The following TRPM3 variants were observed in gnomAD, a reference collection of about 807,000 sequenced individuals.
The protein encoded by TRPM3 is transient receptor potential cation channel subfamily M member 3.
A neutral mutation model predicts 181.2 loss-of-function variants in TRPM3; 77 were observed. The ratio of observed to expected loss-of-function variants is 0.42; its 90% CI spans 0.35 to 0.51. The LOEUF is 0.51. Among genes scored for constraint, TRPM3 ranks in the 20% least tolerant of loss-of-function variants. The pLI is 0.01. For missense variants in TRPM3, 1,759 were observed against 2,196.7 expected (o/e 0.80, Z 3.98); for synonymous variants, 745 against 796.4 (o/e 0.94, Z 1.09).
At position 71,289,875 on chromosome 9, in the gene TRPM3, C is replaced by CAAAA. The variant is rs71352367; in HGVS notation, c.183+156774_183+156777dup. Among the ~76,000 whole-genome samples the CAAAA allele has an allele frequency of 9.0e-4, 36 of 39,788 alleles. 4 individuals are homozygous for CAAAA. The highest frequency in any genetic ancestry group is 2.1e-3 in the Admixed American group (5 of 2,384). The allele number at this position is 39,788 out of a possible 152,430, so 26.1% of individuals were successfully genotyped here. A position where few individuals can be genotyped will look rare whatever the true frequency, so the allele number is the denominator to read the frequency against. On this transcript the variant is annotated intron_variant, in intron 1 of 24. Transcript: ENST00000357533. ...TGGGTGACAGAGCAAGACTCTGTCT[C>CAAAA]AAAAAAAAAAAAAAAAAAAAAAAAA...
chr9:71,378,852 A>C (rs1045812395), intron 1 of TRPM3, among the ~76,000 whole-genome samples: 1 of 152,042 alleles, frequency 6.6e-6, no homozygotes, highest in Non-Finnish European at 1.5e-5. Flanking sequence ...ACAGCATTAT[A>C]TATTATTGAA....
intron 1 of TRPM3, among the ~76,000 whole-genome samples, chr9:71,226,009 T>TA: frequency 0.21 from 7,398 of 34,688 alleles, 1,627 homozygotes; most frequent in Non-Finnish European, 0.25. Flanking sequence ...CAACAAAAGG[T>TA]AAAAAAAAAA....
chr9:71,217,116 A>C, intron 1 of TRPM3, among the ~76,000 whole-genome samples: 1 of 150,632 alleles, frequency 6.6e-6, no homozygotes, highest in Non-Finnish European at 1.5e-5. Context: ...ACGCCCGGCT[A>C]ATTTTTTGTA....
intron 3 of TRPM3, among the ~76,000 whole-genome samples, chr9:70,855,312 A>C (rs1461146241): frequency 6.6e-6 from 1 of 152,210 alleles, no homozygotes; most frequent in African/African-American, 2.4e-5. Context: ...ATTAAGAAAA[A>C]ATAATAATAA....
chr9:71,172,873 T>A (rs146237961), intron 1 of TRPM3, among the ~76,000 whole-genome samples: 170 of 152,272 alleles, frequency 1.1e-3, no homozygotes, highest in Middle Eastern at 6.8e-3. Flanking sequence ...ACATCACACA[T>A]TGAAAACTGT....
chr9:70,820,043 T>C (rs2093034127), intron 6 of TRPM3, among the ~76,000 whole-genome samples: 1 of 152,182 alleles, frequency 6.6e-6, no homozygotes, highest in South Asian at 2.1e-4. Flanking sequence ...CTCAAGTTCC[T>C]ACACCTCCAA....
intron 20 of TRPM3, among the ~76,000 whole-genome samples, chr9:70,599,697 T>A (rs2059557931): frequency 6.6e-6 from 1 of 152,234 alleles, no homozygotes; most frequent in African/African-American, 2.4e-5. Flanking sequence ...AAATGTCCCC[T>A]TTTTAGGAAG....
intron 1 of TRPM3, among the ~76,000 whole-genome samples, chr9:71,271,266 CTTG>C (rs1395855497): frequency 2.6e-5 from 4 of 152,028 alleles, no homozygotes; most frequent in African/African-American, 9.7e-5. Context: ...AGCTTGTTAT[CTTG>C]TTAATTTATC....
At position 70,543,756 on chromosome 9, in the gene TRPM3, G is replaced by A. The variant is rs115843170; in HGVS notation, c.3707+5786C>T. On this transcript the variant is annotated intron_variant, in intron 25 of 25. Coordinates refer to ENST00000677713, the MANE Select transcript of TRPM3 (RefSeq NM_001366145.2). Reference sequence around the variant, plus strand: ...GGAATACTGCTAAATCCTTGCATTTGCTTAAATGTTGCCATCAAGGAGAAA... The same window carrying A: ...GGAATACTGCTAAATCCTTGCATTTACTTAAATGTTGCCATCAAGGAGAAA... Among the ~76,000 whole-genome samples the A allele has an allele frequency of 5.4e-3, 816 of 152,268 alleles. 7 individuals are homozygous for A. Among genetic ancestry groups the A allele is most frequent in the African/African-American group, 0.019 (771 of 41,548 alleles).
intron 8 of TRPM3, among the ~76,000 whole-genome samples, chr9:70,747,545 C>T (rs1473934723): frequency 1.3e-5 from 2 of 152,106 alleles, no homozygotes; most frequent in Non-Finnish European, 2.9e-5. Context: ...TCAACAAGGG[C>T]TATCAGGCAT....
chr9:71,258,189 T>C (rs1280143743), intron 1 of TRPM3, among the ~76,000 whole-genome samples: 1 of 152,202 alleles, frequency 6.6e-6, no homozygotes, highest in African/African-American at 2.4e-5. Flanking sequence ...TTGCACACAT[T>C]GGCCCATTTA....
At position 71,162,199 on chromosome 9, in the gene TRPM3, CAAA is replaced by C. The variant is rs35947110; in HGVS notation, c.183+284451_183+284453del. 2.3e-3 allele frequency among the ~76,000 whole-genome samples: 172 copies of C among 74,428 alleles called. 1 individual carries two copies. The highest frequency in any genetic ancestry group is 2.4e-3 in the Non-Finnish European group (96 of 40,720). The allele number at this position is 74,428 out of a possible 152,430, so 48.8% of individuals were successfully genotyped here. On this transcript the variant is annotated intron_variant, in intron 1 of 24. Coordinates refer to the TRPM3 transcript ENST00000357533. The stretch of plus-strand genomic sequence containing the variant: ...TGGGTGACAGAGCATGACTCTGTCT[CAAA>C]AAAAAAAAAAAAAAAAAAGAAGAAA...
intron 1 of TRPM3, among the ~76,000 whole-genome samples, chr9:71,428,004 A>G (rs1039674127): frequency 6.6e-6 from 1 of 152,206 alleles, no homozygotes; most frequent in Non-Finnish European, 1.5e-5. Context: ...TTTTCAAGCT[A>G]TAGTTTTCCT....
intron 1 of TRPM3, chr9:70,917,047 A>G (rs1032191385): frequency 1.3e-6 from 2 of 1,588,902 alleles, no homozygotes; most frequent in African/African-American, 1.3e-5. Context: ...GTATGTCGCT[A>G]AGGCAAGAAA....
At chr9:71,258,785 C>T (rs897921282) in intron 1 of TRPM3, among the ~76,000 whole-genome samples, 2 of 152,188 alleles carry the variant, frequency 1.3e-5, no homozygotes, top group African/African-American at 4.8e-5. Context: ...ATAGAATTTT[C>T]CCTGGTCTCA....
intron 8 of TRPM3, among the ~76,000 whole-genome samples, chr9:70,754,534 G>C (rs889342049): frequency 6.6e-6 from 1 of 152,134 alleles, no homozygotes; most frequent in African/African-American, 2.4e-5. Flanking sequence ...TGAAGATGTC[G>C]TGAGGGGCTG....
intron 1 of TRPM3, among the ~76,000 whole-genome samples, chr9:70,997,270 C>T (rs1395985658): frequency 1.3e-5 from 2 of 152,174 alleles, no homozygotes; most frequent in Non-Finnish European, 2.9e-5. Context: ...ACGATGTCAG[C>T]TCACTGCAGG....
intron 1 of TRPM3, among the ~76,000 whole-genome samples, chr9:71,047,653 T>C (rs1169944384): frequency 6.6e-6 from 1 of 152,212 alleles, no homozygotes; most frequent in Non-Finnish European, 1.5e-5. Flanking sequence ...TGATTGGATC[T>C]ACTCCTTTAC....
At chr9:71,086,105 C>T (rs2065212203) in intron 1 of TRPM3, among the ~76,000 whole-genome samples, 1 of 151,866 alleles carries the variant, frequency 6.6e-6, no homozygotes, top group Non-Finnish European at 1.5e-5. Flanking sequence ...GAACAGAAAA[C>T]CAAATACTGC....
Sources: gnomAD v4.1 joint callset for allele counts (sites outside exome capture counted in the v4.1 genomes callset) on GRCh38, gnomAD v4.1.1 for gene constraint, MANE v1.5 for transcripts, NCBI Gene and HGNC (gene_info 2026-07-23, HGNC 2026-07-21) for gene names.